PMVK: variants seen among roughly 807,000 people sequenced by gnomAD.
PMVK encodes testis tissue sperm-binding protein Li 95mP.
Under a neutral mutation model 19.0 loss-of-function variants are expected in PMVK, and 10 were observed. The ratio of observed to expected loss-of-function variants is 0.53; its 90% CI spans 0.32 to 0.89. The LOEUF (loss-of-function observed/expected upper bound fraction) is 0.89, where lower values mean the gene tolerates loss of function less well. Ranked by LOEUF, PMVK falls within the 40% of genes least tolerant of loss-of-function variation. The pLI, the probability that PMVK is intolerant of heterozygous loss-of-function variation, is 0.03. For missense variants in PMVK, 222 were observed against 251.1 expected (o/e 0.88, Z 0.78); for synonymous variants, 108 against 101.6 (o/e 1.06, Z -0.38).
At chr1:154,935,058 CAAAAAAAAAAAAAAAAA>C (rs569402578) in intron 1 of PMVK, among the ~76,000 whole-genome samples, 1 of 22,264 alleles carries the variant, frequency 4.5e-5, no homozygotes, top group Non-Finnish European at 1.3e-4. Context: ...GACTCCGTCT[CAAAAAAAAAAAAAAAAA>C]AAAAAAAAAA....
At chr1:154,936,747 A>C, upstream of PMVK, 2 of 1,415,098 alleles carry the variant, frequency 1.4e-6, no homozygotes, top group Non-Finnish European at 1.9e-6. Flanking sequence ...AAATCGGGAC[A>C]CCGCGCGGAA....
At chr1:154,936,191 T>C (rs1654498877) in intron 1 of PMVK, among the ~76,000 whole-genome samples, 2 of 152,092 alleles carry the variant, frequency 1.3e-5, no homozygotes, top group South Asian at 4.1e-4. Flanking sequence ...AAGCGATTCT[T>C]CTACCTCAGG....
chr1:154,928,282 G>A (rs561106866), intron 3 of PMVK, among the ~76,000 whole-genome samples: 2 of 152,344 alleles, frequency 1.3e-5, no homozygotes, highest in African/African-American at 4.8e-5. Context: ...TCCAGAAGGA[G>A]TTCGACTGAC....
At chr1:154,932,624 G>C (rs1654373528) in intron 1 of PMVK, among the ~76,000 whole-genome samples, 1 of 152,164 alleles carries the variant, frequency 6.6e-6, no homozygotes. Flanking sequence ...GGATTATTAT[G>C]AAACTCTAAA....
chr1:154,938,905 G>A (rs1240865917), upstream of PMVK, among the ~76,000 whole-genome samples: 2 of 152,166 alleles, frequency 1.3e-5, no homozygotes, highest in African/African-American at 4.8e-5. Flanking sequence ...TCTTTATGCA[G>A]ACGGGGTCTT....
chr1:154,928,134 A>G (rs1384256425), intron 3 of PMVK, among the ~76,000 whole-genome samples: 2 of 152,230 alleles, frequency 1.3e-5, no homozygotes, highest in African/African-American at 4.8e-5. Context: ...AGCACCTGCC[A>G]GGGAGCACCA....
upstream of PMVK, among the ~76,000 whole-genome samples, chr1:154,937,170 C>T (rs1654536106): frequency 6.6e-6 from 1 of 152,210 alleles, no homozygotes; most frequent in South Asian, 2.1e-4. Context: ...GTTTTGGAAA[C>T]TGCCCTTTTG....
chr1:154,932,499 G>A, intron 1 of PMVK, 84 bp from the exon 2 acceptor site: 1 of 852,092 alleles, frequency 1.2e-6, no homozygotes, highest in Non-Finnish European at 1.8e-6. Context: ...AGAGGCCTGT[G>A]TTGAAGTCCC....
upstream of PMVK, among the ~76,000 whole-genome samples, chr1:154,939,933 C>CT (rs59217610): frequency 3.9e-3 from 562 of 145,414 alleles, 3 homozygotes; most frequent in Admixed American, 9.2e-3. Context: ...CTGAGTTAAA[C>CT]TTTTTTTTTT....
intron 1 of PMVK, among the ~76,000 whole-genome samples, chr1:154,932,651 T>C (rs950493799): frequency 6.6e-6 from 1 of 152,190 alleles, no homozygotes; most frequent in African/African-American, 2.4e-5. Context: ...AAAAGAGCCC[T>C]GAAACTAACA....
At chr1:154,932,471 G>T in intron 1 of PMVK, 56 bp from the exon 2 acceptor site, 1 of 1,289,094 alleles carries the variant, frequency 7.8e-7, no homozygotes, top group Non-Finnish European at 1.1e-6. Context: ...GAGCTTCCAT[G>T]TCCCAGAAAG....
chr1:154,935,420 T>C (rs1037694523), intron 1 of PMVK, among the ~76,000 whole-genome samples: 1 of 152,152 alleles, frequency 6.6e-6, no homozygotes, highest in African/African-American at 2.4e-5. Flanking sequence ...CTAGCCCAGG[T>C]CTCAGCAAAA....
intron 2 of PMVK, 73 bp from the exon 3 acceptor site, chr1:154,929,249 C>T: frequency 1.4e-6 from 2 of 1,413,132 alleles, no homozygotes; most frequent in Admixed American, 1.7e-5. Flanking sequence ...AGCGGAAGAG[C>T]CATCCCTCAC....
chr1:154,942,531 T>C, the PMVK span, among the ~76,000 whole-genome samples: 10 of 152,206 alleles, frequency 6.6e-5, no homozygotes, highest in Middle Eastern at 3.2e-3. Flanking sequence ...GAGAGGGCGA[T>C]CAGAGCAGCC....
Position 154,924,791 on chromosome 1 carries a change from C to A in PMVK, c.*338G>T. 1 of 287,054 alleles carries A rather than the reference C, an allele frequency of 3.5e-6. No homozygotes were observed. Among genetic ancestry groups the A allele is most frequent in the Non-Finnish European group, 6.7e-6 (1 of 148,344 alleles). The allele number at this position is 287,054 out of a possible 1,614,324, so 17.8% of individuals were successfully genotyped here. On this transcript the variant is annotated 3_prime_UTR_variant, in exon 5 of 5. Transcript: ENST00000368467. ...CACACTGGGGAGCTCTGGGTTCTTGCCCAGAACAAGGGGCTGAGAACATCC... is the reference window on the plus strand; with the variant it reads ...CACACTGGGGAGCTCTGGGTTCTTGACCAGAACAAGGGGCTGAGAACATCC...
At chr1:154,936,553 G>C (rs747233760) in intron 1 of PMVK, 38 bp downstream of exon 1, 3 of 1,566,020 alleles carry the variant, frequency 1.9e-6, no homozygotes, top group Admixed American at 3.8e-5. Context: ...ACGTGATGCG[G>C]AGAGCTCCCC....
chr1:154,926,577 T>A, intron 3 of PMVK, 94 bp from the exon 4 acceptor site: 1 of 1,065,676 alleles, frequency 9.4e-7, no homozygotes, highest in Non-Finnish European at 1.4e-6. Context: ...GTGTGGGGTG[T>A]GGCTCTACCC....
At chr1:154,936,751 C>CG, upstream of PMVK, 3 of 1,380,112 alleles carry the variant, frequency 2.2e-6, 1 homozygote, top group South Asian at 3.7e-5. Context: ...CGGGACACCG[C>CG]GCGGAATGGA....
At chr1:154,930,854 G>C (rs1654313357) in intron 2 of PMVK, among the ~76,000 whole-genome samples, 1 of 152,186 alleles carries the variant, frequency 6.6e-6, no homozygotes, top group Non-Finnish European at 1.5e-5. Flanking sequence ...GGAGGCCATA[G>C]TGGGAGGATC....
Sources: allele counts gnomAD v4.1 joint callset (sites outside exome capture counted in the v4.1 genomes callset), GRCh38; gene constraint gnomAD v4.1.1; transcripts MANE v1.5; gene names NCBI Gene and HGNC (gene_info 2026-07-23, HGNC 2026-07-21).